GPC6: variants seen among roughly 807,000 people sequenced by gnomAD.
GPC6 encodes glypican-6.
A neutral mutation model predicts 55.2 loss-of-function variants in GPC6; 14 were observed. The observed-to-expected ratio is 0.25, with a 90% CI of 0.17 to 0.40. GPC6 has a LOEUF of 0.40. Ranked by LOEUF, GPC6 falls within the 10% of genes least tolerant of loss-of-function variation. The probability of loss-of-function intolerance (pLI) is 1.00; values close to 1 mark genes in which losing one functional copy is unlikely to be tolerated. For missense variants in GPC6, 641 were observed against 708.5 expected, an observed-to-expected ratio of 0.90 and a Z score of 1.08; for synonymous variants, 278 against 259.6, an observed-to-expected ratio of 1.07 and a Z score of -0.68.
Position 93,371,138 on chromosome 13 carries a change from T to A in GPC6, c.160+143522T>A, listed in dbSNP as rs118085665. Among the ~76,000 whole-genome samples the A allele has an allele frequency of 7.8e-3, 1,191 of 152,276 alleles. 5 individuals carry two copies. The highest frequency in any genetic ancestry group is 0.037 in the Middle Eastern group (11 of 294). On this transcript the variant is annotated intron_variant, in intron 1 of 8. Coordinates refer to ENST00000377047, the MANE Select transcript of GPC6 (RefSeq NM_005708.5). ...AAACTAGGTTGAAATGTAACATAGT[T>A]CTTGACATATGCATTTTTCCAAAGG...
chr13:93,999,610 A>G (rs57424153), intron 3 of GPC6, among the ~76,000 whole-genome samples: 5,444 of 152,262 alleles, frequency 0.036, 344 homozygotes, highest in African/African-American at 0.12. Flanking sequence ...CTGTTGTTGC[A>G]AATGGCAGGA....
At chr13:93,932,690 C>G (rs1878236153) in intron 3 of GPC6, among the ~76,000 whole-genome samples, 1 of 151,986 alleles carries the variant, frequency 6.6e-6, no homozygotes, top group Non-Finnish European at 1.5e-5. Flanking sequence ...TTTGTTCCAC[C>G]CTTCCTGGCT....
intron 1 of GPC6, among the ~76,000 whole-genome samples, chr13:93,234,105 T>C (rs1423271768): frequency 6.6e-6 from 1 of 152,190 alleles, no homozygotes; most frequent in Admixed American, 6.5e-5. Flanking sequence ...CAAAGACTCC[T>C]AGCTGCTGCA....
rs553875685 is a variant in GPC6 at position 94,150,854 on chromosome 13, C to T, written c.877+122960C>T. ...TATGTTTATTGAATGAGTAAATAAACGAATGAAGACAATTTGACAAGAAGC... is the reference window on the plus strand; with the variant it reads ...TATGTTTATTGAATGAGTAAATAAATGAATGAAGACAATTTGACAAGAAGC... On this transcript the variant is annotated intron_variant, in intron 4 of 8. Coordinates refer to ENST00000377047, the MANE Select transcript of GPC6 (RefSeq NM_005708.5). Among the ~76,000 whole-genome samples, 8 of 98,012 alleles carry T rather than the reference C, an allele frequency of 8.2e-5. No homozygotes were observed. In the East Asian group the frequency reaches 1.9e-3, roughly 24 times the overall value. The allele number at this position is 98,012 out of a possible 152,430, so 64.3% of individuals were successfully genotyped here.
At chr13:93,398,519 C>T (rs1422453831) in intron 1 of GPC6, among the ~76,000 whole-genome samples, 4 of 152,190 alleles carry the variant, frequency 2.6e-5, no homozygotes, top group Non-Finnish European at 4.4e-5. Flanking sequence ...TCTGCTTTAA[C>T]TTGTGAATCT....
chr13:94,337,104 C>T (rs1877747463), intron 6 of GPC6, among the ~76,000 whole-genome samples: 1 of 152,216 alleles, frequency 6.6e-6, no homozygotes, highest in Non-Finnish European at 1.5e-5. Flanking sequence ...CCACCAGCCT[C>T]AGCATCCCCT....
chr13:94,177,765 A>G (rs1594025262), intron 4 of GPC6, among the ~76,000 whole-genome samples: 1 of 152,132 alleles, frequency 6.6e-6, no homozygotes, highest in South Asian at 2.1e-4. Flanking sequence ...TCCAGAAATA[A>G]TCATATAAGT....
intron 3 of GPC6, among the ~76,000 whole-genome samples, chr13:93,895,256 A>G (rs201945966): frequency 0.35 from 44,978 of 130,212 alleles, 9,428 homozygotes; most frequent in African/African-American, 0.37. Context: ...ATATATATAT[A>G]TATATATATA....
intron 7 of GPC6, among the ~76,000 whole-genome samples, chr13:94,391,359 G>T (rs1406383263): frequency 1.3e-5 from 2 of 152,252 alleles, no homozygotes; most frequent in East Asian, 1.9e-4. Flanking sequence ...CTTGTCCATG[G>T]TCACACTGCG....
chr13:93,343,137 C>A (rs1880317483), intron 1 of GPC6, among the ~76,000 whole-genome samples: 2 of 151,846 alleles, frequency 1.3e-5, no homozygotes, highest in East Asian at 1.9e-4. Flanking sequence ...CGCCCCCCAC[C>A]ACTGGCCAGC....
chr13:94,074,040 G>A (rs1369853462), intron 4 of GPC6, among the ~76,000 whole-genome samples: 8 of 152,102 alleles, frequency 5.3e-5, no homozygotes, highest in African/African-American at 7.2e-5. Context: ...TGTTGTTTTA[G>A]GAATCAGTGT....
chr13:94,156,059 A>T (rs1312483647), intron 4 of GPC6, among the ~76,000 whole-genome samples: 1 of 152,174 alleles, frequency 6.6e-6, no homozygotes, highest in Non-Finnish European at 1.5e-5. Flanking sequence ...GACTAAAGCC[A>T]AGATGATCCA....
intron 6 of GPC6, among the ~76,000 whole-genome samples, chr13:94,339,210 A>G (rs990233063): frequency 6.6e-6 from 1 of 152,098 alleles, no homozygotes; most frequent in Non-Finnish European, 1.5e-5. Context: ...GACTACTGGT[A>G]TGTGCCACCA....
intron 1 of GPC6, among the ~76,000 whole-genome samples, chr13:93,301,149 A>G (rs1386405195): frequency 2.0e-5 from 3 of 152,224 alleles, no homozygotes; most frequent in Non-Finnish European, 1.5e-5. Context: ...CTCAATAAAC[A>G]TGTTTGAGAA....
At chr13:93,949,505 A>G (rs749227168) in intron 3 of GPC6, among the ~76,000 whole-genome samples, 56 of 152,202 alleles carry the variant, frequency 3.7e-4, no homozygotes, top group Non-Finnish European at 5.1e-4. Context: ...ATAAATGTGT[A>G]TATTATACAT....
At chr13:93,910,023 A>G (rs1411170957) in intron 3 of GPC6, among the ~76,000 whole-genome samples, 1 of 151,902 alleles carries the variant, frequency 6.6e-6, no homozygotes, top group East Asian at 1.9e-4. Flanking sequence ...CAGGGGAAGA[A>G]TCAATGACAA....
At chr13:93,843,239 C>T (rs1018074587) in intron 3 of GPC6, among the ~76,000 whole-genome samples, 1 of 152,096 alleles carries the variant, frequency 6.6e-6, no homozygotes, top group Non-Finnish European at 1.5e-5. Flanking sequence ...CGTTTGTTTG[C>T]ATGTGTGGGT....
chr13:93,420,398 G>A, intron 1 of GPC6, among the ~76,000 whole-genome samples: 1 of 152,164 alleles, frequency 6.6e-6, no homozygotes, highest in East Asian at 1.9e-4. Context: ...ATGCTGAGTT[G>A]GAGAATGGCT....
intron 8 of GPC6, among the ~76,000 whole-genome samples, chr13:94,399,423 GACTA>G: frequency 6.6e-6 from 1 of 152,162 alleles, no homozygotes; most frequent in East Asian, 1.9e-4. Flanking sequence ...GTTTCAAGAT[GACTA>G]ACTACAAAAA....
Sources: gnomAD v4.1 joint callset for allele counts (sites outside exome capture counted in the v4.1 genomes callset) on GRCh38, gnomAD v4.1.1 for gene constraint, MANE v1.5 for transcripts, NCBI Gene and HGNC (gene_info 2026-07-23, HGNC 2026-07-21) for gene names.